Variants in KCNG3 observed in about 807,000 individuals in gnomAD.
KCNG3 encodes voltage-gated potassium channel regulatory subunit KCNG3.
Under a neutral mutation model 29.0 loss-of-function variants are expected in KCNG3, and 15 were observed. The ratio of observed to expected loss-of-function variants is 0.52; its 90% CI spans 0.35 to 0.80. The LOEUF (loss-of-function observed/expected upper bound fraction) is 0.80, where lower values mean the gene tolerates loss of function less well. KCNG3 is among the 30% of genes least tolerant of loss of function. KCNG3 has a pLI of 0.01. For synonymous variants in KCNG3, 322 were observed against 248.9 expected (o/e 1.29, Z -2.76); for missense variants, 512 against 605.7 (o/e 0.85, Z 1.62).
At chr2:42,455,177 C>G (rs1471692615) in intron 1 of KCNG3, among the ~76,000 whole-genome samples, 1 of 152,112 alleles carries the variant, frequency 6.6e-6, no homozygotes, top group Non-Finnish European at 1.5e-5. Context: ...TTTTGTAGAG[C>G]TGAGATCTCG....
At position 42,465,225 on chromosome 2, in the gene KCNG3, T is replaced by TTTC. The variant is rs1558381400; in HGVS notation, c.666-20647_666-20646insGAA. Among the ~76,000 whole-genome samples the TTTC allele has an allele frequency of 1.7e-3, 256 of 151,910 alleles. 8 individuals are homozygous for TTTC. The East Asian group carries it at 0.043, about 26-fold the overall frequency. On this transcript the variant is annotated intron_variant, in intron 1 of 1. Transcript: ENST00000306078. ...ATTTAATTTCTTTCTTTCTTTCTTTTTTTTTTTTTGAAACAGGGTTTGGCT... is the reference window on the plus strand; with the variant it reads ...ATTTAATTTCTTTCTTTCTTTCTTTTTTCTTTTTTTTTGAAACAGGGTTTGGCT...
chr2:42,479,710 T>G (rs1303347500), intron 1 of KCNG3, among the ~76,000 whole-genome samples: 1 of 149,812 alleles, frequency 6.7e-6, no homozygotes, highest in Non-Finnish European at 1.5e-5. Context: ...CTTAAGCATC[T>G]CTGAAATTAA....
chr2:42,487,079 C>T (rs1371945778), intron 1 of KCNG3, among the ~76,000 whole-genome samples: 5 of 150,808 alleles, frequency 3.3e-5, no homozygotes, highest in African/African-American at 1.2e-4. Context: ...ATCGCTTGAA[C>T]CCAGGAGGCA....
At chr2:42,419,219 C>CTTTTTTTTTTTTTTTTTTTT in the KCNG3 span, among the ~76,000 whole-genome samples, 12 of 27,736 alleles carry the variant, frequency 4.3e-4, 4 homozygotes, top group East Asian at 1.6e-3. Context: ...GATGGTATCT[C>CTTTTTTTTTTTTTTTTTTTT]TTTTTTTTTT....
intron 1 of KCNG3, among the ~76,000 whole-genome samples, chr2:42,486,740 T>C (rs996634010): frequency 2.0e-5 from 3 of 152,208 alleles, no homozygotes; most frequent in African/African-American, 7.2e-5. Flanking sequence ...GCTGTCTGCT[T>C]CTATCACCAC....
At chr2:42,435,208 C>G in the KCNG3 span, among the ~76,000 whole-genome samples, 46 of 152,138 alleles carry the variant, frequency 3.0e-4, 1 homozygote, top group Admixed American at 2.2e-3. Context: ...GAGGCTGAGG[C>G]AGGAGAATCG....
chr2:42,409,899 C>G, the KCNG3 span, among the ~76,000 whole-genome samples: 1 of 151,924 alleles, frequency 6.6e-6, no homozygotes, highest in African/African-American at 2.4e-5. Flanking sequence ...AGCCAGCTGC[C>G]TACTACACTC....
chr2:42,430,123 TTGGGTGG>T, the KCNG3 span, among the ~76,000 whole-genome samples: 3 of 152,210 alleles, frequency 2.0e-5, no homozygotes, highest in East Asian at 1.9e-4. Flanking sequence ...TTCCAGCAAT[TTGGGTGG>T]CCAAGGCAGG....
intron 1 of KCNG3, among the ~76,000 whole-genome samples, chr2:42,472,005 G>A (rs1673302121): frequency 6.6e-6 from 1 of 152,062 alleles, no homozygotes; most frequent in South Asian, 2.1e-4. Flanking sequence ...TTGAACAACA[G>A]GACTTCTATT....
At chr2:42,476,499 AT>A (rs202109255) in intron 1 of KCNG3, among the ~76,000 whole-genome samples, 84 of 141,072 alleles carry the variant, frequency 6.0e-4, no homozygotes, top group Admixed American at 1.9e-3. Flanking sequence ...AAAAAAAAAA[AT>A]TTTTGAGACA....
chr2:42,473,753 C>T lies in KCNG3; in HGVS notation c.665+19084G>A, dbSNP rs1050792260. 6.6e-5 allele frequency among the ~76,000 whole-genome samples: 10 copies of T among 152,014 alleles called. No homozygotes were observed. In the East Asian group the frequency reaches 9.6e-4, roughly 15 times the overall value. On this transcript the variant is annotated intron_variant, in intron 1 of 1. Coordinates refer to ENST00000306078, the MANE Select transcript of KCNG3 (RefSeq NM_133329.6). The stretch of plus-strand genomic sequence containing the variant: ...CACATTTTGATTGGCATAAGGAATT[C>T]GGTTTTTAAATGCTTAAATTTTGCT...
the KCNG3 span, among the ~76,000 whole-genome samples, chr2:42,398,963 G>A: frequency 1.3e-5 from 2 of 151,790 alleles, no homozygotes. Context: ...TCATTGCCTT[G>A]TAAGGCTCAT....
the KCNG3 span, among the ~76,000 whole-genome samples, chr2:42,407,195 T>C: frequency 6.6e-6 from 1 of 150,394 alleles, no homozygotes; most frequent in Non-Finnish European, 1.5e-5. Flanking sequence ...TTTTTTTTTT[T>C]GAGACGGAGT....
At chr2:42,433,338 A>G in the KCNG3 span, among the ~76,000 whole-genome samples, 1 of 152,212 alleles carries the variant, frequency 6.6e-6, no homozygotes, top group Non-Finnish European at 1.5e-5. Context: ...GAGAACAGGT[A>G]AATTATTACT....
intron 1 of KCNG3, among the ~76,000 whole-genome samples, chr2:42,459,366 G>A (rs1672961088): frequency 6.6e-6 from 1 of 152,114 alleles, no homozygotes; most frequent in Non-Finnish European, 1.5e-5. Context: ...TCAGAGTGTG[G>A]GCATTTATCC....
chr2:42,413,420 T>C, the KCNG3 span, among the ~76,000 whole-genome samples: 3 of 152,202 alleles, frequency 2.0e-5, no homozygotes, highest in Non-Finnish European at 4.4e-5. Context: ...TTTTTTTCTA[T>C]TTACTGTTCT....
At chr2:42,462,802 G>T (rs537465897) in intron 1 of KCNG3, among the ~76,000 whole-genome samples, 1 of 152,222 alleles carries the variant, frequency 6.6e-6, no homozygotes, top group African/African-American at 2.4e-5. Context: ...TTATCAGGAA[G>T]TCACAGTTTC....
the KCNG3 span, among the ~76,000 whole-genome samples, chr2:42,410,755 G>A: frequency 6.6e-6 from 1 of 152,022 alleles, no homozygotes; most frequent in South Asian, 2.1e-4. Flanking sequence ...TTAGGATGTA[G>A]TTCCAAGTTG....
At chr2:42,414,617 T>G in the KCNG3 span, among the ~76,000 whole-genome samples, 1 of 152,082 alleles carries the variant, frequency 6.6e-6, no homozygotes, top group South Asian at 2.1e-4. Context: ...TGACAATTTG[T>G]GCCCTTTTTA....
Sources: gnomAD v4.1 joint callset for allele counts (sites outside exome capture counted in the v4.1 genomes callset) on GRCh38, gnomAD v4.1.1 for gene constraint, MANE v1.5 for transcripts, NCBI Gene and HGNC (gene_info 2026-07-23, HGNC 2026-07-21) for gene names.